Variants in SERGEF observed in about 807,000 individuals in gnomAD.
SERGEF encodes the protein secretion regulating guanine nucleotide exchange factor, also known as secretion-regulating guanine nucleotide exchange factor.
Under a neutral mutation model 50.0 loss-of-function variants are expected in SERGEF, and 51 were observed. That is an observed-to-expected ratio of 1.02 (90% CI 0.81 to 1.29). SERGEF has a LOEUF of 1.29. SERGEF is among the 50% of genes most tolerant of loss of function. SERGEF has a pLI of 0.00. For synonymous variants in SERGEF, 205 were observed against 212.4 expected (o/e 0.97, Z 0.30); for missense variants, 521 against 557.0 (o/e 0.94, Z 0.65).
At chr11:17,808,336 G>T (rs115060660) in intron 10 of SERGEF, among the ~76,000 whole-genome samples, 1 of 152,310 alleles carries the variant, frequency 6.6e-6, no homozygotes, top group African/African-American at 2.4e-5. Context: ...TCTGGTGAGG[G>T]CCTCAGGAAG....
At chr11:17,882,213 C>T (rs1328829982) in intron 9 of SERGEF, among the ~76,000 whole-genome samples, 1 of 152,004 alleles carries the variant, frequency 6.6e-6, no homozygotes, top group Admixed American at 6.6e-5. Flanking sequence ...GCCAGGAGTT[C>T]GAGACCAGCC....
At chr11:17,944,717 C>T (rs1310213941) in intron 9 of SERGEF, among the ~76,000 whole-genome samples, 3 of 152,186 alleles carry the variant, frequency 2.0e-5, no homozygotes, top group Admixed American at 1.3e-4. Flanking sequence ...AGCACAGATC[C>T]CGCATGAAAA....
chr11:17,936,916 G>A (rs894128398), intron 9 of SERGEF, among the ~76,000 whole-genome samples: 2 of 152,092 alleles, frequency 1.3e-5, no homozygotes, highest in African/African-American at 2.4e-5. Context: ...TTTCATCCAG[G>A]AATCCTAATC....
At chr11:17,850,999 C>T (rs963273938) in intron 10 of SERGEF, among the ~76,000 whole-genome samples, 2 of 152,196 alleles carry the variant, frequency 1.3e-5, no homozygotes, top group African/African-American at 4.8e-5. Flanking sequence ...TAACATTGGA[C>T]AACATGCTTG....
chr11:17,906,707 G>A (rs1227977518), intron 9 of SERGEF, among the ~76,000 whole-genome samples: 2 of 151,986 alleles, frequency 1.3e-5, no homozygotes, highest in African/African-American at 2.4e-5. Flanking sequence ...TACTGCAGCC[G>A]GCAGTGCAGT....
intron 9 of SERGEF, among the ~76,000 whole-genome samples, chr11:17,959,120 C>T (rs190918587): frequency 4.7e-4 from 72 of 152,294 alleles, no homozygotes; most frequent in Middle Eastern, 3.4e-3. Flanking sequence ...TCGCCCACCT[C>T]GGCCTCCCAA....
At chr11:17,898,959 AGTGAGTGATC>A (rs1851695598) in intron 9 of SERGEF, among the ~76,000 whole-genome samples, 1 of 152,128 alleles carries the variant, frequency 6.6e-6, no homozygotes, top group Non-Finnish European at 1.5e-5. Flanking sequence ...CATGATAGTG[AGTGAGTGATC>A]GTGAGAGCTG....
chr11:17,930,596 T>C (rs536824729), intron 9 of SERGEF, among the ~76,000 whole-genome samples: 39 of 152,264 alleles, frequency 2.6e-4, no homozygotes, highest in African/African-American at 8.4e-4. Flanking sequence ...CCCTTCCCCA[T>C]CTATGCTGTC....
rs181768351 is a variant in SERGEF at position 17,957,660 on chromosome 11, C to T, written c.1011+1810G>A. Among the ~76,000 whole-genome samples, 33 of 151,888 alleles carry T rather than the reference C, an allele frequency of 2.2e-4. No individual in the cohort carries two copies. In the East Asian group the frequency reaches 4.3e-3, roughly 20 times the overall value. On this transcript the variant is annotated intron_variant, in intron 9 of 10. Transcript: ENST00000265965. ...TATATCAAAAGTCATAAAGATGCTCCGGACCTTTGCCCTTGTCATTGCATC... is the reference window on the plus strand; with the variant it reads ...TATATCAAAAGTCATAAAGATGCTCTGGACCTTTGCCCTTGTCATTGCATC...
rs544951257 is a variant in SERGEF, at chr11:17,967,252, C to T, written c.845-7616G>A. On this transcript the variant is annotated intron_variant, in intron 8 of 10. Transcript: ENST00000265965. ...AGGGGCCTGGCAACCAGAGTCAGTG[C>T]CCTCAGTCATTGTCCTGCAGGGGAT... 1.3e-4 allele frequency among the ~76,000 whole-genome samples: 20 copies of T among 152,308 alleles called. No homozygotes were observed. In the East Asian group the frequency reaches 3.3e-3, roughly 25 times the overall value.
At chr11:18,005,483 A>G (rs1854054586) in intron 3 of SERGEF, among the ~76,000 whole-genome samples, 1 of 152,168 alleles carries the variant, frequency 6.6e-6, no homozygotes, top group African/African-American at 2.4e-5. Flanking sequence ...ACACAGCACA[A>G]AGATAGCTAG....
chr11:17,920,713 A>G lies in SERGEF; in HGVS notation c.1011+38757T>C, dbSNP rs368634391. ...TATGGGAGGCCAGTGATGTGAGATTAGAGCAACCATTCCCACAAGACAGTA... is the reference window on the plus strand; with the variant it reads ...TATGGGAGGCCAGTGATGTGAGATTGGAGCAACCATTCCCACAAGACAGTA... On this transcript the variant is annotated intron_variant, in intron 9 of 10. Transcript: ENST00000265965. Among the ~76,000 whole-genome samples the G allele has an allele frequency of 2.0e-5, 3 of 152,242 alleles. No individual in the cohort carries two copies. In the East Asian group the frequency reaches 5.8e-4, roughly 29 times the overall value.
rs573702424 is a variant in SERGEF, at chr11:17,949,586, G to A, written c.1011+9884C>T. Among the ~76,000 whole-genome samples, 25 of 152,208 alleles carry A rather than the reference G, an allele frequency of 1.6e-4. No homozygotes were observed. In the East Asian group the frequency reaches 2.9e-3, roughly 18 times the overall value. On this transcript the variant is annotated intron_variant, in intron 9 of 10. Coordinates refer to ENST00000265965, the MANE Select transcript of SERGEF (RefSeq NM_012139.4). ...ATAGGGTTTTTGTGCAAGTAGAACT[G>A]GGAGAGAGATCTAGCTGTCTGGATG...
At chr11:17,908,894 T>A (rs476372) in intron 9 of SERGEF, among the ~76,000 whole-genome samples, 103,894 of 151,680 alleles carry the variant, frequency 0.68, 36,070 homozygotes, top group African/African-American at 0.79. Flanking sequence ...GTCATCAGCA[T>A]GAGAAGCCAC....
intron 8 of SERGEF, among the ~76,000 whole-genome samples, chr11:17,971,969 G>T (rs1033937574): frequency 6.6e-6 from 1 of 152,228 alleles, no homozygotes; most frequent in Non-Finnish European, 1.5e-5. Flanking sequence ...CAAGGCTTCA[G>T]TGGAAGAAGT....
At chr11:17,943,683 T>G (rs1852601900) in intron 9 of SERGEF, among the ~76,000 whole-genome samples, 1 of 152,228 alleles carries the variant, frequency 6.6e-6, no homozygotes, top group Non-Finnish European at 1.5e-5. Context: ...TTCTAATATA[T>G]TCATTTAAAG....
rs557079707 is a variant in SERGEF at position 17,815,073 on chromosome 11, G to C, written c.1049-26660C>G. ...GTGGTGGCATGAGCCTGTAGTTCTA[G>C]CTACTTGGGAAGCTGAGGCAGTAGG... On this transcript the variant is annotated intron_variant, in intron 10 of 10. Transcript: ENST00000265965. Among the ~76,000 whole-genome samples the C allele has an allele frequency of 3.7e-4, 56 of 152,226 alleles. No individual in the cohort carries two copies. The South Asian group carries it at 8.7e-3, about 24-fold the overall frequency.
At chr11:17,905,328 G>A (rs1346484736) in intron 9 of SERGEF, among the ~76,000 whole-genome samples, 1 of 152,148 alleles carries the variant, frequency 6.6e-6, no homozygotes, top group East Asian at 1.9e-4. Context: ...TAGTCACAAT[G>A]AGCCCAGTTT....
intron 9 of SERGEF, among the ~76,000 whole-genome samples, chr11:17,937,029 C>T (rs185966991): frequency 1.1e-4 from 16 of 151,946 alleles, no homozygotes; most frequent in Middle Eastern, 3.4e-3. Context: ...CTGGGAACAA[C>T]CTAAATTTCC....
Sources: allele counts gnomAD v4.1 joint callset (sites outside exome capture counted in the v4.1 genomes callset), GRCh38; gene constraint gnomAD v4.1.1; transcripts MANE v1.5; gene names NCBI Gene and HGNC (gene_info 2026-07-23, HGNC 2026-07-21).